SKI: variants seen among roughly 807,000 people sequenced by gnomAD.
SKI encodes ski oncogene.
SKI carries 23 observed loss-of-function variants against 59.3 expected under a neutral mutation model. That is an observed-to-expected ratio of 0.39 (90% CI 0.28 to 0.55). The LOEUF is 0.55. Among genes scored for constraint, SKI ranks in the 20% least tolerant of loss-of-function variants. SKI has a pLI of 0.67. For synonymous variants in SKI, 673 were observed against 488.6 expected, an observed-to-expected ratio of 1.38 and a Z score of -4.98; for missense variants, 1,017 against 1,038.9, an observed-to-expected ratio of 0.98 and a Z score of 0.29.
intron 1 of SKI, among the ~76,000 whole-genome samples, chr1:2,262,955 A>C (rs966296521): frequency 6.6e-6 from 1 of 152,132 alleles, no homozygotes; most frequent in East Asian, 1.9e-4. Flanking sequence ...GCTGGAGTGC[A>C]ATGGCGCTAT....
intron 1 of SKI, among the ~76,000 whole-genome samples, chr1:2,289,439 T>C (rs568564006): frequency 2.5e-4 from 38 of 150,320 alleles, no homozygotes; most frequent in African/African-American, 9.3e-4. Context: ...AATGTGGCAC[T>C]GCAGAGCTAC....
At chr1:2,289,618 C>T (rs1277964693) in intron 1 of SKI, among the ~76,000 whole-genome samples, 1 of 92,964 alleles carries the variant, frequency 1.1e-5, no homozygotes, top group Non-Finnish European at 2.1e-5. Context: ...GAACCAAGAT[C>T]GTGGGGGTGG....
chr1:2,287,367 G>T (rs1287362484), intron 1 of SKI, among the ~76,000 whole-genome samples: 6 of 143,424 alleles, frequency 4.2e-5, no homozygotes, highest in Admixed American at 7.0e-5. Context: ...GACTGAGTCT[G>T]GCTCTGTCGC....
rs896878520 is a variant in SKI at position 2,238,122 on chromosome 1, T to C, written c.969+8387T>C. 5.9e-5 allele frequency among the ~76,000 whole-genome samples: 9 copies of C among 152,166 alleles called. No individual in the cohort carries two copies. The East Asian group carries it at 1.7e-3, about 29-fold the overall frequency. On this transcript the variant is annotated intron_variant, in intron 1 of 6. Coordinates refer to ENST00000378536, the MANE Select transcript of SKI (RefSeq NM_003036.4). ...GGGTGGGCATCCTTGGCTCCCTCCC[T>C]CACCAGCTGGCCCTGGGAGGTCTGT...
At chr1:2,231,639 G>A (rs1022345121) in intron 1 of SKI, among the ~76,000 whole-genome samples, 1 of 152,198 alleles carries the variant, frequency 6.6e-6, no homozygotes, top group African/African-American at 2.4e-5. Context: ...TTCATTTACC[G>A]ATTAAAAAGC....
chr1:2,294,454 G>C (rs1640238669), intron 1 of SKI, among the ~76,000 whole-genome samples: 1 of 152,212 alleles, frequency 6.6e-6, no homozygotes, highest in African/African-American at 2.4e-5. Context: ...GGGATGTGGG[G>C]ACCAGGGCAG....
At chr1:2,242,997 A>G (rs1457673280) in intron 1 of SKI, among the ~76,000 whole-genome samples, 3 of 152,362 alleles carry the variant, frequency 2.0e-5, no homozygotes, top group South Asian at 2.1e-4. Flanking sequence ...TAAAAGGCAA[A>G]CGCAGACATG....
At chr1:2,241,870 T>C (rs1638882433) in intron 1 of SKI, among the ~76,000 whole-genome samples, 1 of 152,206 alleles carries the variant, frequency 6.6e-6, no homozygotes. Context: ...CCTTCCTGTC[T>C]CAGAAGTGTT....
chr1:2,277,230 A>G (rs1160025634), intron 1 of SKI, among the ~76,000 whole-genome samples: 1 of 152,154 alleles, frequency 6.6e-6, no homozygotes. Context: ...AATAGCTGAG[A>G]TTACAGGCAC....
Position 2,286,716 on chromosome 1 carries a change from G to A in SKI, c.970-16262G>A, listed in dbSNP as rs117272406. Among the ~76,000 whole-genome samples, 117 of 152,350 alleles carry A rather than the reference G, an allele frequency of 7.7e-4. 2 individuals are homozygous for A. In the East Asian group the frequency reaches 0.021, roughly 28 times the overall value. ...CTCGCTCTGAGTGAGGACAGACTGC[G>A]TGTGGGGGCTGTGGGCGCCTGTCTC... is the stretch of plus-strand genomic sequence containing the variant. On this transcript the variant is annotated intron_variant, in intron 1 of 6. Coordinates refer to ENST00000378536, the MANE Select transcript of SKI (RefSeq NM_003036.4).
intron 1 of SKI, among the ~76,000 whole-genome samples, chr1:2,286,458 C>T (rs540535554): frequency 7.2e-5 from 11 of 152,240 alleles, no homozygotes; most frequent in Non-Finnish European, 5.9e-5. Flanking sequence ...ATGATGCTAC[C>T]GCACTCAGCC....
At chr1:2,280,025 T>C (rs1336363694) in intron 1 of SKI, among the ~76,000 whole-genome samples, 4 of 152,104 alleles carry the variant, frequency 2.6e-5, no homozygotes, top group Non-Finnish European at 5.9e-5. Context: ...GCGCGAGGCA[T>C]GGGTGCGCGA....
chr1:2,276,171 A>G (rs1372701145), intron 1 of SKI, among the ~76,000 whole-genome samples: 1 of 152,152 alleles, frequency 6.6e-6, no homozygotes, highest in Non-Finnish European at 1.5e-5. Flanking sequence ...TCACGCAGCC[A>G]CATTTCCCAA....
intron 1 of SKI, among the ~76,000 whole-genome samples, chr1:2,292,707 A>G (rs1163940328): frequency 6.6e-6 from 1 of 152,208 alleles, no homozygotes; most frequent in African/African-American, 2.4e-5. Flanking sequence ...AAGGCCTGGT[A>G]CCAGGCAGTG....
intron 1 of SKI, among the ~76,000 whole-genome samples, chr1:2,233,624 G>A (rs776730697): frequency 7.2e-5 from 11 of 151,948 alleles, no homozygotes; most frequent in African/African-American, 1.2e-4. Context: ...CTTTTGACCC[G>A]TGTCACTGCA....
At chr1:2,272,352 G>A (rs2100856327) in intron 1 of SKI, among the ~76,000 whole-genome samples, 1 of 152,378 alleles carries the variant, frequency 6.6e-6, no homozygotes, top group South Asian at 2.1e-4. Flanking sequence ...AACCAGAGGT[G>A]TTGAGACCGT....
chr1:2,305,583 G>A (rs1290747624), intron 5 of SKI, among the ~76,000 whole-genome samples: 1 of 152,202 alleles, frequency 6.6e-6, no homozygotes, highest in Non-Finnish European at 1.5e-5. Context: ...GGGGAGAGTG[G>A]GGGGGCTTGC....
At chr1:2,287,714 G>A (rs1217281988) in intron 1 of SKI, among the ~76,000 whole-genome samples, 3 of 152,190 alleles carry the variant, frequency 2.0e-5, no homozygotes, top group Non-Finnish European at 2.9e-5. Flanking sequence ...TGTGTGGGGC[G>A]TGGGGGTGGT....
At position 2,229,472 on chromosome 1, in the gene SKI, C is replaced by T; in HGVS notation, c.706C>T (p.Leu236Phe). 1.9e-6 allele frequency: 3 copies of T among 1,611,924 alleles called. 1 individual carries two copies. In the South Asian group the frequency reaches 3.3e-5, roughly 18 times the overall value. ...GTGTAAGGGGCTGCTGGTGCCCGAG[C>T]TCTACAGCAGCCCGAGCGCCGCCTG... ...GKCKGLLVPE[L>F]YSSPSAACIQ... Residue 236 changes from leucine to phenylalanine, a missense_variant, in exon 1 of 7, where the codon CTC becomes TTC. Physicochemically the swap from Leu to Phe is conservative, Grantham distance 22 (BLOSUM62 0). Transcript: ENST00000378536. The surrounding 1 kb of genome is among the most constrained non-coding windows in gnomAD (Gnocchi z 6.3).
Sources: gnomAD v4.1 joint callset for allele counts (sites outside exome capture counted in the v4.1 genomes callset) on GRCh38, gnomAD v4.1.1 for gene constraint, Gnocchi (gnomAD v3.1) non-coding constraint, MANE v1.5 for transcripts, NCBI Gene and HGNC (gene_info 2026-07-23, HGNC 2026-07-21) for gene names.